Variants in ARHGAP15 observed in about 807,000 individuals in gnomAD.
ARHGAP15 encodes the protein rho GTPase-activating protein 15.
Under a neutral mutation model 63.7 loss-of-function variants are expected in ARHGAP15, and 51 were observed. That is an observed-to-expected ratio of 0.80 (90% CI 0.64 to 1.01). The LOEUF (loss-of-function observed/expected upper bound fraction) is 1.01, where lower values mean the gene tolerates loss of function less well. ARHGAP15 is among the 50% of genes least tolerant of loss of function. The pLI is 0.00. For missense variants in ARHGAP15, 560 were observed against 564.6 expected (o/e 0.99, Z 0.08); for synonymous variants, 191 against 193.8 (o/e 0.99, Z 0.12).
At chr2:143,631,883 ATCTGT>A (rs1240284327) in intron 12 of ARHGAP15, among the ~76,000 whole-genome samples, 1 of 151,970 alleles carries the variant, frequency 6.6e-6, no homozygotes, top group East Asian at 1.9e-4. Context: ...TTTCTTCAAC[ATCTGT>A]TCTGTTGTTA....
In ARHGAP15 at chr2:143,755,848, C is replaced by G. The variant is rs1349410686; in HGVS notation, c.1245-12141C>G. Among the ~76,000 whole-genome samples the G allele has an allele frequency of 2.6e-5, 4 of 152,154 alleles. No individual in the cohort carries two copies. In the East Asian group the frequency reaches 7.7e-4, roughly 29 times the overall value. Reference sequence around the variant, plus strand: ...GGGTGTGGTAGCGGGTGCCTGTAATCCTAGCTACTTGGGAGGCTGAGGCAG... The same window carrying G: ...GGGTGTGGTAGCGGGTGCCTGTAATGCTAGCTACTTGGGAGGCTGAGGCAG... On this transcript the variant is annotated intron_variant, in intron 13 of 13. Coordinates refer to ENST00000295095, the MANE Select transcript of ARHGAP15 (RefSeq NM_018460.4).
In ARHGAP15 at chr2:143,411,966, C is replaced by T. The variant is rs780599748; in HGVS notation, c.475-23635C>T. On this transcript the variant is annotated intron_variant, in intron 6 of 13. Coordinates refer to ENST00000295095, the MANE Select transcript of ARHGAP15 (RefSeq NM_018460.4). ...CAGAAGTCCAAAAGCTCAGGTCTTG[C>T]TCAAAGGCACAGAGCAAGAGGCTGA... 6.6e-5 allele frequency among the ~76,000 whole-genome samples: 10 copies of T among 152,124 alleles called. 1 individual carries two copies. Among genetic ancestry groups the T allele is most frequent in the Middle Eastern group, 6.3e-3 (2 of 316 alleles).
chr2:143,708,137 T>A (rs929445686), intron 13 of ARHGAP15, among the ~76,000 whole-genome samples: 1 of 152,190 alleles, frequency 6.6e-6, no homozygotes, highest in African/African-American at 2.4e-5. Context: ...CATTCAACTC[T>A]AAGCTTCCAT....
chr2:143,182,383 G>C (rs1691274386), intron 2 of ARHGAP15, among the ~76,000 whole-genome samples: 1 of 152,122 alleles, frequency 6.6e-6, no homozygotes, highest in African/African-American at 2.4e-5. Context: ...CCAGTTGGTG[G>C]GGCAGTCAGA....
rs1574377923 is a variant in ARHGAP15 at position 143,389,737 on chromosome 2, G to C, written c.475-45864G>C. 2.6e-5 allele frequency among the ~76,000 whole-genome samples: 4 copies of C among 152,150 alleles called. 1 individual carries two copies. The highest frequency in any genetic ancestry group is 2.6e-4 in the Admixed American group (4 of 15,270). On this transcript the variant is annotated intron_variant, in intron 6 of 13. Coordinates refer to ENST00000295095, the MANE Select transcript of ARHGAP15 (RefSeq NM_018460.4). ...GCCTGGAGAGCTCATTTAATGAAAGGGTTATCTCTGCCAACCAGTCAGTAG... is the reference window on the plus strand; with the variant it reads ...GCCTGGAGAGCTCATTTAATGAAAGCGTTATCTCTGCCAACCAGTCAGTAG...
intron 13 of ARHGAP15, among the ~76,000 whole-genome samples, chr2:143,754,070 C>T (rs1411116445): frequency 6.6e-6 from 1 of 152,098 alleles, no homozygotes; most frequent in Non-Finnish European, 1.5e-5. Flanking sequence ...ATTTTTCAGG[C>T]CCTATTCTTC....
chr2:143,236,710 G>A (rs1693667007), intron 5 of ARHGAP15: 1 of 152,136 alleles, frequency 6.6e-6, no homozygotes, highest in South Asian at 2.1e-4. Context: ...GATGTAAAAG[G>A]GGGCAAAAGA....
At chr2:143,368,422 G>T (rs117056363) in intron 6 of ARHGAP15, among the ~76,000 whole-genome samples, 9 of 151,988 alleles carry the variant, frequency 5.9e-5, no homozygotes, top group African/African-American at 2.2e-4. Flanking sequence ...AGAGAGGCAC[G>T]AAAGAAAAAT....
At chr2:143,667,582 TAAAAAA>T (rs71338146) in intron 12 of ARHGAP15, among the ~76,000 whole-genome samples, 2 of 138,950 alleles carry the variant, frequency 1.4e-5, no homozygotes, top group South Asian at 2.2e-4. Flanking sequence ...TAAAAAAAAT[TAAAAAA>T]AAAAAAAAAA....
chr2:143,639,034 T>A (rs1680480593), intron 12 of ARHGAP15, among the ~76,000 whole-genome samples: 1 of 152,092 alleles, frequency 6.6e-6, no homozygotes, highest in African/African-American at 2.4e-5. Flanking sequence ...CAGCTGGGAA[T>A]TTGCAGAGCT....
chr2:143,455,968 G>A (rs1354429339), intron 8 of ARHGAP15, among the ~76,000 whole-genome samples: 2 of 152,102 alleles, frequency 1.3e-5, no homozygotes, highest in East Asian at 3.9e-4. Flanking sequence ...AGAGTTAAAT[G>A]ACCTGGAGAC....
chr2:143,233,996 C>T (rs2104926075), intron 5 of ARHGAP15, among the ~76,000 whole-genome samples: 1 of 152,190 alleles, frequency 6.6e-6, no homozygotes, highest in South Asian at 2.1e-4. Context: ...CTCTCATTTC[C>T]TTCTAAACCT....
chr2:143,459,328 T>C (rs1182033034), intron 8 of ARHGAP15, among the ~76,000 whole-genome samples: 1 of 146,778 alleles, frequency 6.8e-6, no homozygotes, highest in Admixed American at 6.8e-5. Context: ...GTGCATCTGG[T>C]TAAATGGGGG....
intron 6 of ARHGAP15, among the ~76,000 whole-genome samples, chr2:143,414,090 A>G (rs532680938): frequency 2.7e-4 from 41 of 151,794 alleles, no homozygotes; most frequent in African/African-American, 9.6e-4. Context: ...CTTATTGCAT[A>G]TATTTAGGAA....
At chr2:143,346,236 T>TCTCA (rs1460248036) in intron 6 of ARHGAP15, among the ~76,000 whole-genome samples, 2 of 82,546 alleles carry the variant, frequency 2.4e-5, no homozygotes, top group African/African-American at 9.8e-5. Context: ...ACACTCTCTC[T>TCTCA]CACACACACA....
chr2:143,599,222 A>G (rs759233839), intron 11 of ARHGAP15, among the ~76,000 whole-genome samples: 6 of 152,184 alleles, frequency 3.9e-5, no homozygotes, highest in Non-Finnish European at 7.3e-5. Flanking sequence ...AATGCTATAT[A>G]CCTAGATGCT....
chr2:143,451,869 C>T (rs1245658393), intron 8 of ARHGAP15, among the ~76,000 whole-genome samples: 2 of 151,992 alleles, frequency 1.3e-5, no homozygotes, highest in Non-Finnish European at 2.9e-5. Context: ...TAGTAATAGA[C>T]ATTTCCACAG....
At chr2:143,439,693 G>A (rs147591960) in intron 8 of ARHGAP15, among the ~76,000 whole-genome samples, 11 of 152,014 alleles carry the variant, frequency 7.2e-5, no homozygotes, top group African/African-American at 2.6e-4. Flanking sequence ...GAAGAACTAA[G>A]GTAATTTGTA....
chr2:143,579,726 T>C (rs768707203), intron 11 of ARHGAP15, among the ~76,000 whole-genome samples: 1 of 151,594 alleles, frequency 6.6e-6, no homozygotes, highest in Non-Finnish European at 1.5e-5. Flanking sequence ...TGCAACTTCC[T>C]AAGTAGAAGA....
Sources: gnomAD v4.1 joint callset for allele counts (sites outside exome capture counted in the v4.1 genomes callset) on GRCh38, gnomAD v4.1.1 for gene constraint, MANE v1.5 for transcripts, NCBI Gene and HGNC (gene_info 2026-07-23, HGNC 2026-07-21) for gene names.